Variants in EYA2 observed in about 807,000 individuals in gnomAD.
The protein encoded by EYA2 is EYA transcriptional coactivator and phosphatase 2.
A neutral mutation model predicts 69.2 loss-of-function variants in EYA2; 31 were observed. That is an observed-to-expected ratio of 0.45 (90% confidence interval 0.34 to 0.60). The LOEUF (loss-of-function observed/expected upper bound fraction) is 0.60. Ranked by LOEUF, EYA2 falls within the 20% of genes least tolerant of loss-of-function variation. EYA2 has a pLI of 0.02. For synonymous variants in EYA2, 257 were observed against 279.4 expected, an observed-to-expected ratio of 0.92 and a Z score of 0.80; for missense variants, 622 against 701.2, an observed-to-expected ratio of 0.89 and a Z score of 1.28.
chr20:47,021,140 G>T (rs930257017), intron 5 of EYA2, among the ~76,000 whole-genome samples: 1 of 152,210 alleles, frequency 6.6e-6, no homozygotes, highest in Non-Finnish European at 1.5e-5. Context: ...GTTAATTATC[G>T]TTATTATGAT....
chr20:47,176,459 G>A (rs1212270842), intron 12 of EYA2, among the ~76,000 whole-genome samples: 1 of 152,198 alleles, frequency 6.6e-6, no homozygotes, highest in Non-Finnish European at 1.5e-5. Flanking sequence ...AGCGTGGGCA[G>A]TGGTGGCCAG....
At position 47,183,220 on chromosome 20, in the gene EYA2, A is replaced by C. The variant is rs1183107281; in HGVS notation, c.1436-71A>C. On this transcript the variant is annotated intron_variant, in intron 14 of 15. Coordinates refer to ENST00000327619, the MANE Select transcript of EYA2 (RefSeq NM_005244.5). ...GCACAGCTGCAGGCACCAAGCTCTT[A>C]ATGAGCGGGTATTGGCTGCAATCCG... 7.6e-6 allele frequency: 11 copies of C among 1,441,712 alleles called. No homozygotes were observed. The Admixed American group carries it at 1.5e-4, about 19-fold the overall frequency. The allele number at this position is 1,441,712 out of a possible 1,614,324, so 89.3% of individuals were successfully genotyped here. A position where few individuals can be genotyped will look rare whatever the true frequency, so the allele number is the denominator to read the frequency against.
At chr20:47,072,109 T>G in intron 5 of EYA2, 76 bp from the exon 6 acceptor site, 21 of 1,368,300 alleles carry the variant, frequency 1.5e-5, no homozygotes, top group Non-Finnish European at 2.0e-5. Context: ...GGGAGGTTCA[T>G]GAAATGCTAA....
At chr20:47,110,328 A>G (rs3787251) in intron 9 of EYA2, among the ~76,000 whole-genome samples, 22,770 of 152,090 alleles carry the variant, frequency 0.15, 3,741 homozygotes, top group African/African-American at 0.4. Context: ...TGCAGCCTCA[A>G]CTTCCTGGGA....
At chr20:47,176,042 CAG>C (rs2034420418) in intron 12 of EYA2, among the ~76,000 whole-genome samples, 2 of 149,850 alleles carry the variant, frequency 1.3e-5, no homozygotes. Flanking sequence ...GTGGAGGAAA[CAG>C]ACCATCAACA....
chr20:46,912,694 T>TTC lies in EYA2; in HGVS notation c.-11+17708_-11+17709insCT, dbSNP rs1174788992. Among the ~76,000 whole-genome samples, 36 of 148,456 alleles carry TTC rather than the reference T, an allele frequency of 2.4e-4. 1 individual carries two copies. Among genetic ancestry groups the TTC allele is most frequent in the African/African-American group, 8.6e-4 (35 of 40,630 alleles). ...AGGGAAGAGGAATTTTTAATTTTTTTTTTTTTTCTTTTTTTTTGAGACGGA... is the reference window on the plus strand; with the variant it reads ...AGGGAAGAGGAATTTTTAATTTTTTTTCTTTTTTTCTTTTTTTTTGAGACGGA... On this transcript the variant is annotated intron_variant, in intron 1 of 15. Transcript: ENST00000327619.
chr20:47,018,586 G>A (rs912206201), intron 5 of EYA2, among the ~76,000 whole-genome samples: 3 of 152,216 alleles, frequency 2.0e-5, no homozygotes, highest in African/African-American at 4.8e-5. Flanking sequence ...CCACAGGAGG[G>A]GCCAGAGCTG....
rs139789889 is a variant in EYA2, at chr20:46,979,049, C to T, written c.-10-10952C>T. On this transcript the variant is annotated intron_variant, in intron 1 of 15. Transcript: ENST00000327619. ...GTCAGCAGGCTTTGATTTCTCAGCC[C>T]GTGAAGGATGCTGGGAGTGACCCTC... 1.5e-4 allele frequency among the ~76,000 whole-genome samples: 23 copies of T among 152,318 alleles called. No homozygotes were observed. In the East Asian group the frequency reaches 4.0e-3, roughly 27 times the overall value.
rs2034690835 is a variant in EYA2 at position 47,188,428 on chromosome 20, G to A, written c.*295G>A. The A allele has an allele frequency of 3.6e-6, 2 of 558,206 alleles. No individual in the cohort carries two copies. Among genetic ancestry groups the A allele is most frequent in the South Asian group, 2.7e-5 (1 of 36,504 alleles). 34.6% of individuals were successfully genotyped at this position (558,206 alleles called of 1,614,324 possible). A position where few individuals can be genotyped will look rare whatever the true frequency, so the allele number is the denominator to read the frequency against. ...AAAAGCAAGGAATTGCTGATTTGGG[G>A]GGTGCCTGGTGATGAGGAGGGGATG... On this transcript the variant is annotated 3_prime_UTR_variant, in exon 16 of 16. Transcript: ENST00000327619.
chr20:47,053,099 C>T (rs1600672242), intron 5 of EYA2, among the ~76,000 whole-genome samples: 1 of 152,150 alleles, frequency 6.6e-6, no homozygotes, highest in Non-Finnish European at 1.5e-5. Context: ...GTGGGCCTTA[C>T]GTAGTTTCTC....
chr20:47,117,644 TAAAAA>T (rs1372556160), intron 9 of EYA2: 4 of 984,852 alleles, frequency 4.1e-6, no homozygotes, highest in Non-Finnish European at 4.8e-6. Flanking sequence ...TGAGAAGAAA[TAAAAA>T]GAAAAAGAAA....
intron 9 of EYA2, among the ~76,000 whole-genome samples, chr20:47,128,438 G>T (rs1242417895): frequency 6.6e-6 from 1 of 151,754 alleles, no homozygotes; most frequent in South Asian, 2.1e-4. Context: ...GCTGCCTGCC[G>T]TTTCTCCTCA....
At chr20:47,057,139 GAGGAAGGAAGGAAGGAAGGA>G (rs61126274) in intron 5 of EYA2, among the ~76,000 whole-genome samples, 10,305 of 129,130 alleles carry the variant, frequency 0.08, 533 homozygotes, top group South Asian at 0.12. Context: ...AGGAAGGAGG[GAGGAAGGAAGGAAGGAAGGA>G]AGGAAGGAAG....
chr20:47,004,856 A>G, intron 3 of EYA2, 86 bp from the exon 4 acceptor site: 2 of 1,584,430 alleles, frequency 1.3e-6, no homozygotes, highest in Non-Finnish European at 1.7e-6. Flanking sequence ...AGAACCCCAA[A>G]GAAAAATGGG....
chr20:47,063,320 G>A (rs2030967661), intron 5 of EYA2, among the ~76,000 whole-genome samples: 1 of 151,922 alleles, frequency 6.6e-6, no homozygotes, highest in Non-Finnish European at 1.5e-5. Flanking sequence ...CCCTCAGTAT[G>A]TGGCCTTGTA....
intron 7 of EYA2, among the ~76,000 whole-genome samples, chr20:47,077,341 T>A (rs2031553521): frequency 6.6e-6 from 1 of 152,202 alleles, no homozygotes. Flanking sequence ...TATGCACATC[T>A]TCTCTTTTAC....
intron 1 of EYA2, among the ~76,000 whole-genome samples, chr20:46,910,048 T>C (rs1362595805): frequency 2.0e-5 from 3 of 152,208 alleles, no homozygotes; most frequent in South Asian, 2.1e-4. Context: ...CAAGTAAGGA[T>C]GTTCATCTTA....
chr20:46,933,724 C>T (rs1985773257), intron 1 of EYA2, among the ~76,000 whole-genome samples: 2 of 152,222 alleles, frequency 1.3e-5, no homozygotes, highest in Non-Finnish European at 2.9e-5. Context: ...TCTTGCAGCA[C>T]CCCACGCAGG....
chr20:46,896,390 A>C (rs1293913350), intron 1 of EYA2, among the ~76,000 whole-genome samples: 1 of 146,134 alleles, frequency 6.8e-6, no homozygotes. Context: ...ATACACATGT[A>C]ACCATCCTGC....
Sources: gnomAD v4.1 joint callset for allele counts (sites outside exome capture counted in the v4.1 genomes callset) on GRCh38, gnomAD v4.1.1 for gene constraint, MANE v1.5 for transcripts, NCBI Gene and HGNC (gene_info 2026-07-23, HGNC 2026-07-21) for gene names.